Variants in PTPRT observed in about 807,000 individuals in gnomAD.
The protein encoded by PTPRT is receptor-type tyrosine-protein phosphatase T.
PTPRT carries 56 observed loss-of-function variants against 176.8 expected under a neutral mutation model. The ratio of observed to expected loss-of-function variants is 0.32; its 90% CI spans 0.26 to 0.40. The LOEUF (loss-of-function observed/expected upper bound fraction) is 0.40, where lower values mean the gene tolerates loss of function less well. PTPRT is among the 10% of genes least tolerant of loss of function. PTPRT has a pLI of 1.00. For synonymous variants in PTPRT, 783 were observed against 739.0 expected (o/e 1.06, Z -0.96); for missense variants, 1,540 against 1,908.2 (o/e 0.81, Z 3.60).
At chr20:42,396,353 A>G (rs535107239) in intron 9 of PTPRT, among the ~76,000 whole-genome samples, 1 of 152,228 alleles carries the variant, frequency 6.6e-6, no homozygotes, top group African/African-American at 2.4e-5. Flanking sequence ...CTGAGCCTCC[A>G]CCATCTCTCA....
chr20:42,098,779 A>G (rs1985556747), intron 26 of PTPRT, among the ~76,000 whole-genome samples: 1 of 152,242 alleles, frequency 6.6e-6, no homozygotes, highest in Non-Finnish European at 1.5e-5. Context: ...TGTCACTGGG[A>G]TGGGATTATC....
rs1568774033 is a variant in PTPRT, at chr20:43,083,343, T to TAC, written c.88+106302_88+106303insGT. Among the ~76,000 whole-genome samples, 79 of 115,274 alleles carry TAC rather than the reference T, an allele frequency of 6.9e-4. 1 individual carries two copies. Among genetic ancestry groups the TAC allele is most frequent in the African/African-American group, 1.6e-3 (51 of 30,958 alleles). 75.6% of individuals were successfully genotyped at this position (115,274 alleles called of 152,430 possible). ...ATGTATATATATATATATATATATA[T>TAC]ATATATATATATATATATATATATA... On this transcript the variant is annotated intron_variant, in intron 1 of 30. Transcript: ENST00000373187.
intron 16 of PTPRT, among the ~76,000 whole-genome samples, chr20:42,194,069 C>T (rs919004761): frequency 2.6e-5 from 4 of 152,184 alleles, no homozygotes; most frequent in Non-Finnish European, 5.9e-5. Context: ...CTACTAGCTA[C>T]CTTATTCCTA....
intron 7 of PTPRT, among the ~76,000 whole-genome samples, chr20:42,479,411 T>C (rs2071343757): frequency 6.6e-6 from 1 of 152,216 alleles, no homozygotes; most frequent in Non-Finnish European, 1.5e-5. Flanking sequence ...GGAAACATTA[T>C]TGCCAACATA....
At chr20:42,847,886 T>C (rs1025702484) in intron 2 of PTPRT, among the ~76,000 whole-genome samples, 23 of 152,214 alleles carry the variant, frequency 1.5e-4, no homozygotes, top group African/African-American at 5.3e-4. Context: ...TTTGGGTACA[T>C]GACTAAGTTA....
chr20:43,062,576 A>T (rs548900195), intron 1 of PTPRT, among the ~76,000 whole-genome samples: 1 of 152,374 alleles, frequency 6.6e-6, no homozygotes, highest in Admixed American at 6.5e-5. Flanking sequence ...CTGAAAACCA[A>T]CACACACTCT....
At chr20:42,790,967 T>C (rs1600742814) in intron 3 of PTPRT, among the ~76,000 whole-genome samples, 1 of 152,210 alleles carries the variant, frequency 6.6e-6, no homozygotes, top group East Asian at 1.9e-4. Context: ...ACATGCATCC[T>C]GGTACATTGT....
chr20:42,109,944 C>T (rs1219559204), intron 23 of PTPRT, among the ~76,000 whole-genome samples: 3 of 151,922 alleles, frequency 2.0e-5, no homozygotes, highest in African/African-American at 7.3e-5. Context: ...ATGGGGGGGA[C>T]ACAGGAAGAG....
intron 7 of PTPRT, among the ~76,000 whole-genome samples, chr20:42,491,696 G>T (rs2071563872): frequency 6.6e-6 from 1 of 152,126 alleles, no homozygotes; most frequent in South Asian, 2.1e-4. Context: ...CACCAAATTT[G>T]CCAGATCTTG....
At chr20:42,556,514 T>C (rs1276736336) in intron 7 of PTPRT, among the ~76,000 whole-genome samples, 1 of 151,934 alleles carries the variant, frequency 6.6e-6, no homozygotes, top group East Asian at 1.9e-4. Context: ...TGAATTTTTA[T>C]ATACTTGAGT....
chr20:42,666,660 T>C lies in PTPRT; in HGVS notation c.1153+11206A>G, dbSNP rs117053894. Among the ~76,000 whole-genome samples the C allele has an allele frequency of 2.3e-3, 343 of 152,342 alleles. 5 individuals carry two copies. In the East Asian group the frequency reaches 0.052, roughly 23 times the overall value. On this transcript the variant is annotated intron_variant, in intron 7 of 30. Coordinates refer to ENST00000373187, the MANE Select transcript of PTPRT (RefSeq NM_007050.6). Reference sequence around the variant, plus strand: ...AATTTGCTAATCCAACAACATGACATATGGCCATTTGTTCAGGTCTTGTTT... The same window carrying C: ...AATTTGCTAATCCAACAACATGACACATGGCCATTTGTTCAGGTCTTGTTT...
At chr20:42,425,552 G>C (rs2059155544) in intron 9 of PTPRT, among the ~76,000 whole-genome samples, 1 of 152,158 alleles carries the variant, frequency 6.6e-6, no homozygotes. Flanking sequence ...CTAATCTACA[G>C]CATGGTGACC....
chr20:42,640,405 A>AT (rs1241518758), intron 7 of PTPRT, among the ~76,000 whole-genome samples: 51 of 149,886 alleles, frequency 3.4e-4, no homozygotes, highest in African/African-American at 7.3e-4. Context: ...AAAAAAAAAA[A>AT]ATTTTTTTGA....
At chr20:42,619,233 G>A (rs1433519790) in intron 7 of PTPRT, among the ~76,000 whole-genome samples, 1 of 143,816 alleles carries the variant, frequency 7.0e-6, no homozygotes. Context: ...ATTCTGGGTT[G>A]AAAATTCTTT....
intron 11 of PTPRT, among the ~76,000 whole-genome samples, chr20:42,321,676 G>T (rs1227382430): frequency 1.3e-5 from 2 of 152,090 alleles, no homozygotes; most frequent in Non-Finnish European, 2.9e-5. Flanking sequence ...TGGCTTTACT[G>T]CTTGCCCCCA....
chr20:42,780,197 G>A, intron 4 of PTPRT, 21 bp downstream of exon 4: 2 of 1,596,872 alleles, frequency 1.3e-6, no homozygotes, highest in Non-Finnish European at 1.7e-6. Flanking sequence ...AGGCTGTGTT[G>A]GGAGGAAGGG....
At chr20:42,825,289 A>C (rs368429495) in intron 2 of PTPRT, among the ~76,000 whole-genome samples, 15 of 152,272 alleles carry the variant, frequency 9.9e-5, no homozygotes, top group African/African-American at 3.6e-4. Context: ...TAGGTGAAAA[A>C]TCTCACGACA....
At chr20:42,998,610 T>C (rs141272807) in intron 1 of PTPRT, among the ~76,000 whole-genome samples, 156 of 152,342 alleles carry the variant, frequency 1.0e-3, no homozygotes, top group Non-Finnish European at 1.9e-3. Flanking sequence ...GCTCAATAAA[T>C]ATTAGTGGAA....
chr20:42,347,040 T>C (rs113177225), intron 11 of PTPRT, among the ~76,000 whole-genome samples: 2,048 of 152,178 alleles, frequency 0.013, 43 homozygotes, highest in African/African-American at 0.048. Context: ...AGGGGAGCCA[T>C]GAACTCAGAG....
Sources: allele counts gnomAD v4.1 joint callset (sites outside exome capture counted in the v4.1 genomes callset), GRCh38; gene constraint gnomAD v4.1.1; transcripts MANE v1.5; gene names NCBI Gene and HGNC (gene_info 2026-07-23, HGNC 2026-07-21).